TUT7: variants seen among roughly 807,000 people sequenced by gnomAD.
The protein encoded by TUT7 is terminal uridylyl transferase 7.
In TUT7, 33 loss-of-function variants were observed where a neutral mutation model predicts 165.9. The observed-to-expected ratio is 0.20, with a 90% CI of 0.15 to 0.27. The LOEUF is 0.27. Ranked by LOEUF, TUT7 falls within the 10% of genes least tolerant of loss-of-function variation. The probability of loss-of-function intolerance (pLI) is 1.00; values close to 1 mark genes in which losing one functional copy is unlikely to be tolerated. For missense variants in TUT7, 1,338 were observed against 1,762.3 expected (o/e 0.76, Z 4.31); for synonymous variants, 552 against 608.1 (o/e 0.91, Z 1.36).
chr9:86,331,130 T>C (rs1221233126), intron 10 of TUT7, among the ~76,000 whole-genome samples: 1 of 152,164 alleles, frequency 6.6e-6, no homozygotes, highest in Non-Finnish European at 1.5e-5. Context: ...TCCTTTCAAA[T>C]GTACTATGAC....
chr9:86,338,654 G>C (rs1831052767), intron 9 of TUT7, among the ~76,000 whole-genome samples, 169 bp downstream of exon 9: 1 of 152,174 alleles, frequency 6.6e-6, no homozygotes, highest in Admixed American at 6.5e-5. Flanking sequence ...AAGTGAAACA[G>C]AAACACTGAA....
chr9:86,320,861 C>T (rs1829210310), intron 14 of TUT7, among the ~76,000 whole-genome samples: 1 of 152,124 alleles, frequency 6.6e-6, no homozygotes, highest in Non-Finnish European at 1.5e-5. Context: ...AATGTCGCTC[C>T]CTTACCCTCA....
intron 26 of TUT7, among the ~76,000 whole-genome samples, chr9:86,296,214 G>A (rs1826305862): frequency 6.6e-6 from 1 of 152,200 alleles, no homozygotes; most frequent in Admixed American, 6.5e-5. Context: ...CCTGTGAGGT[G>A]TTAGCACCAA....
chr9:86,319,785 C>G (rs2131412927), intron 14 of TUT7, 115 bp from the exon 15 acceptor site: 1 of 722,638 alleles, frequency 1.4e-6, no homozygotes, highest in Non-Finnish European at 2.3e-6. Context: ...TTTAAAAATT[C>G]CTAAATCATT....
intron 26 of TUT7, among the ~76,000 whole-genome samples, chr9:86,293,589 C>T (rs1181359981): frequency 2.0e-5 from 3 of 152,192 alleles, no homozygotes; most frequent in South Asian, 4.1e-4. Context: ...GAAACAATGT[C>T]ACTGACTCTC....
In TUT7 at chr9:86,314,951, T is replaced by C. The variant is rs1329760118; in HGVS notation, c.3274+2268A>G. 2.0e-5 allele frequency among the ~76,000 whole-genome samples: 3 copies of C among 152,194 alleles called. No individual in the cohort carries two copies. In the East Asian group the frequency reaches 5.8e-4, roughly 29 times the overall value. Reference sequence around the variant, plus strand: ...AAATCGTGTTCACCATCATCTGAGATCATAGCAACCTCCATCTCTTCCATC... The same window carrying C: ...AAATCGTGTTCACCATCATCTGAGACCATAGCAACCTCCATCTCTTCCATC... On this transcript the variant is annotated intron_variant, in intron 17 of 26. Transcript: ENST00000375963.
intron 22 of TUT7, among the ~76,000 whole-genome samples, chr9:86,307,316 G>A (rs1199775286): frequency 6.6e-6 from 1 of 151,590 alleles, no homozygotes; most frequent in Non-Finnish European, 1.5e-5. Context: ...CAGATGATAA[G>A]AACTGCAGTG....
At chr9:86,352,369 C>T (rs745871102) in intron 2 of TUT7, among the ~76,000 whole-genome samples, 13 of 152,098 alleles carry the variant, frequency 8.5e-5, no homozygotes, top group Non-Finnish European at 1.6e-4. Context: ...TGAGCAATTA[C>T]GATATGGTCC....
chr9:86,299,214 A>G (rs540109049), intron 26 of TUT7, among the ~76,000 whole-genome samples: 73 of 152,310 alleles, frequency 4.8e-4, no homozygotes, highest in African/African-American at 1.7e-3. Flanking sequence ...CAAATAAACC[A>G]GTTGGTTTCA....
chr9:86,340,827 T>A (rs932677693), intron 7 of TUT7, among the ~76,000 whole-genome samples, 175 bp downstream of exon 7: 1 of 152,256 alleles, frequency 6.6e-6, no homozygotes, highest in African/African-American at 2.4e-5. Context: ...ATGGTTATTC[T>A]GCATAGTAGA....
chr9:86,291,017 T>C (rs1057348640), intron 26 of TUT7, among the ~76,000 whole-genome samples: 1 of 152,194 alleles, frequency 6.6e-6, no homozygotes, highest in African/African-American at 2.4e-5. Flanking sequence ...TTCTTAAAGA[T>C]GACCCTAAAT....
chr9:86,319,475 C>A, intron 15 of TUT7, 109 bp downstream of exon 15: 1 of 795,958 alleles, frequency 1.3e-6, no homozygotes. Flanking sequence ...GGGTATATTG[C>A]AAAACAATGG....
At chr9:86,292,934 C>G (rs968226168) in intron 26 of TUT7, among the ~76,000 whole-genome samples, 3 of 152,040 alleles carry the variant, frequency 2.0e-5, no homozygotes, top group African/African-American at 7.3e-5. Context: ...AACATGTAAT[C>G]TACTATATCA....
At position 86,344,997 on chromosome 9, in the gene TUT7, A is replaced by G. The variant is rs772276191; in HGVS notation, c.977T>C (p.Val326Ala). The part of the protein sequence containing the change: ...RLEIKRIMEN[V>A]FQHKLPDCSL... ...AATACCTGGTAACTTGTGTTGGAAC[A>G]CATTTTCCATGATACGTTTAATTTC... Residue 326 changes from valine (V) to alanine (A), a missense_variant, in exon 5 of 27, where the codon GTG becomes GCG. This residue lies in a region of TUT7 where 434 missense variants were observed against 480.8 expected (regional missense o/e 0.90). Transcript: ENST00000375963. 1 of 1,612,518 alleles carries G rather than the reference A, an allele frequency of 6.2e-7. No individual in the cohort carries two copies.
At chr9:86,298,644 A>T (rs1455200298) in intron 26 of TUT7, 1 of 319,030 alleles carries the variant, frequency 3.1e-6, no homozygotes, top group Non-Finnish European at 4.5e-6. Context: ...AAGTTCCCCC[A>T]AGTGATTCTG....
chr9:86,306,030 T>G (rs888879377), intron 22 of TUT7, among the ~76,000 whole-genome samples: 2 of 152,236 alleles, frequency 1.3e-5, no homozygotes, highest in African/African-American at 4.8e-5. Flanking sequence ...AAAAGCACTA[T>G]TTCTAAATCC....
chr9:86,345,127 T>C lies in TUT7; in HGVS notation c.847A>G (p.Thr283Ala). The change falls in exon 5 of 27, where the codon ACG becomes GCG. Residue 283 changes from threonine to alanine, a missense_variant. Thr to Ala is a moderately conservative substitution (Grantham distance 58, BLOSUM62 0). Around this residue, in one of 7 missense-constraint regions of TUT7, gnomAD observed 434 missense variants for 480.8 expected, o/e 0.90. Transcript: ENST00000375963. ...TGGGAGGGTGTTGGTGGGGGTAACG[T>C]AGTGAGCAACTCTTCCTCTTGCTTC... Reference protein sequence around the residue: ...KEKQEEELLTTLPPPTPSQIN... With the variant: ...KEKQEEELLTALPPPTPSQIN... The C allele has an allele frequency of 6.2e-7, 1 of 1,609,984 alleles. No homozygotes were observed. The highest frequency in any genetic ancestry group is 8.5e-7 in the Non-Finnish European group (1 of 1,178,776).
rs555358568 is a variant in TUT7, at chr9:86,346,323, T to C, written c.678A>G (p.Arg226=). 1.2e-6 allele frequency: 2 copies of C among 1,613,770 alleles called. No individual in the cohort carries two copies. The highest frequency in any genetic ancestry group is 1.7e-6 in the Non-Finnish European group (2 of 1,179,832). The change falls in exon 3 of 27, where the codon AGA becomes AGG. Residue 226 remains arginine, a synonymous_variant. Transcript: ENST00000375963. Reference sequence around the variant, plus strand: ...CCCTTTTTAGCCTGTCAATGCAGTCTCTCTTCAGTCTCTCCTCAGCCTGCT... The same window carrying C: ...CCCTTTTTAGCCTGTCAATGCAGTCCCTCTTCAGTCTCTCCTCAGCCTGCT... ...GLQQAEERLK[R]DCIDRLKRRP...
rs974363971 is a variant in TUT7 at position 86,354,330 on chromosome 9, C to T, written c.-91G>A. ...CAGGAAACCAACTGGAGAATCAGCC[C>T]GGAGGCGAGTCTGGCAGGGACGTTG... is the stretch of plus-strand genomic sequence containing the variant. On this transcript the variant is annotated 5_prime_UTR_variant, in exon 1 of 27. Coordinates refer to ENST00000375963, the MANE Select transcript of TUT7 (RefSeq NM_024617.4). 6.5e-6 allele frequency: 1 copy of T among 152,770 alleles called. No homozygotes were observed. The highest frequency in any genetic ancestry group is 2.1e-4 in the South Asian group (1 of 4,830). 9.5% of individuals were successfully genotyped at this position (152,770 alleles called of 1,614,324 possible).
Sources: allele counts gnomAD v4.1 joint callset (sites outside exome capture counted in the v4.1 genomes callset), GRCh38; gene constraint gnomAD v4.1.1; regional missense constraint gnomAD v4.1.1; transcripts MANE v1.5; gene names NCBI Gene and HGNC (gene_info 2026-07-23, HGNC 2026-07-21).